The following GRB10 variants were observed in gnomAD, a reference collection of about 807,000 sequenced individuals.
GRB10 encodes the protein growth factor receptor bound protein 10.
Under a neutral mutation model 80.9 loss-of-function variants are expected in GRB10, and 20 were observed. The observed-to-expected ratio is 0.25, with a 90% CI of 0.17 to 0.36. GRB10 has a LOEUF of 0.36. GRB10 is among the 10% of genes least tolerant of loss of function. The pLI is 1.00. For missense variants in GRB10, 548 were observed against 747.7 expected (o/e 0.73, Z 3.12); for synonymous variants, 291 against 291.5 (o/e 1.00, Z 0.02).
chr7:50,624,595 C>T (rs910075304), intron 8 of GRB10, among the ~76,000 whole-genome samples: 39 of 152,142 alleles, frequency 2.6e-4, no homozygotes, highest in African/African-American at 8.4e-4. Context: ...CCTGTGTCAA[C>T]GGGAATGAGT....
At chr7:50,645,391 CA>C (rs1215460633) in intron 7 of GRB10, among the ~76,000 whole-genome samples, 3 of 152,150 alleles carry the variant, frequency 2.0e-5, no homozygotes, top group Non-Finnish European at 4.4e-5. Flanking sequence ...ACAACCCATG[CA>C]AAAATCACCA....
intron 2 of GRB10, among the ~76,000 whole-genome samples, chr7:50,772,665 T>C (rs1229766262): frequency 6.6e-6 from 1 of 152,156 alleles, no homozygotes; most frequent in Admixed American, 6.5e-5. Context: ...GAAGAAAACA[T>C]ATGCAAAAAT....
chr7:50,709,058 G>A (rs1386016707), intron 4 of GRB10, among the ~76,000 whole-genome samples: 1 of 152,144 alleles, frequency 6.6e-6, no homozygotes, highest in East Asian at 1.9e-4. Flanking sequence ...GGGCAGCCAA[G>A]CTCCTTAATT....
At chr7:50,634,428 A>G (rs998326062) in intron 7 of GRB10, among the ~76,000 whole-genome samples, 4 of 152,262 alleles carry the variant, frequency 2.6e-5, no homozygotes, top group African/African-American at 9.6e-5. Flanking sequence ...GATACTCACC[A>G]TCATAACAGC....
intron 13 of GRB10, among the ~76,000 whole-genome samples, chr7:50,610,063 C>T (rs563377606): frequency 6.6e-5 from 10 of 152,228 alleles, no homozygotes; most frequent in African/African-American, 2.4e-4. Context: ...GGTAAAAGGG[C>T]CCTGTCAACT....
At chr7:50,647,172 T>C (rs537762234) in intron 7 of GRB10, among the ~76,000 whole-genome samples, 3 of 149,714 alleles carry the variant, frequency 2.0e-5, no homozygotes, top group South Asian at 2.1e-4. Context: ...AGTGTCTAAA[T>C]AGAGACCTTG....
intron 17 of GRB10, among the ~76,000 whole-genome samples, chr7:50,597,535 G>T (rs1487011449): frequency 6.6e-6 from 1 of 152,236 alleles, no homozygotes. Context: ...AATGTGGGGC[G>T]TCCCTTTCTC....
Position 50,714,137 on chromosome 7 carries a change from T to C in GRB10, c.52-10229A>G, listed in dbSNP as rs541275780. ...CCCAACTTCAACAAAAAGGCAACTA[T>C]TCAGACACCAAAATATCCACATGTA... On this transcript the variant is annotated intron_variant, in intron 4 of 18. Transcript: ENST00000401949. 2.6e-5 allele frequency among the ~76,000 whole-genome samples: 4 copies of C among 152,208 alleles called. No individual in the cohort carries two copies. In the South Asian group the frequency reaches 8.3e-4, roughly 32 times the overall value.
intron 2 of GRB10, among the ~76,000 whole-genome samples, chr7:50,758,614 T>A (rs868512516): frequency 1.8e-4 from 27 of 152,310 alleles, no homozygotes; most frequent in African/African-American, 5.5e-4. Context: ...GACGAGGGTA[T>A]TCAGCCTGTT....
upstream of GRB10, among the ~76,000 whole-genome samples, chr7:50,786,662 G>A (rs2078706022): frequency 6.6e-6 from 1 of 152,240 alleles, no homozygotes; most frequent in Non-Finnish European, 1.5e-5. Flanking sequence ...TAAACTGTGA[G>A]AGTAGATGGA....
intron 7 of GRB10, among the ~76,000 whole-genome samples, chr7:50,666,989 G>A (rs890300296): frequency 4.9e-5 from 7 of 143,184 alleles, no homozygotes; most frequent in Non-Finnish European, 9.0e-5. Context: ...GCAGTGAGCC[G>A]AGATTGCGCC....
intron 7 of GRB10, among the ~76,000 whole-genome samples, chr7:50,642,795 T>C (rs1003036990): frequency 1.3e-5 from 2 of 152,204 alleles, no homozygotes; most frequent in African/African-American, 4.8e-5. Context: ...ACATTAGTTT[T>C]CTATTATAAA....
intron 2 of GRB10, among the ~76,000 whole-genome samples, chr7:50,776,888 C>T (rs2153711765): frequency 6.6e-6 from 1 of 152,214 alleles, no homozygotes; most frequent in East Asian, 1.9e-4. Context: ...TCCTCTTCTT[C>T]TGGGCCCTCA....
intron 5 of GRB10, among the ~76,000 whole-genome samples, chr7:50,684,899 TA>T (rs1159012109): frequency 6.6e-6 from 1 of 152,182 alleles, no homozygotes; most frequent in African/African-American, 2.4e-5. Flanking sequence ...AGAAACTATA[TA>T]AATAACTTGT....
chr7:50,735,879 AAACAG>A (rs999959654), intron 3 of GRB10, among the ~76,000 whole-genome samples: 26 of 152,214 alleles, frequency 1.7e-4, no homozygotes, highest in African/African-American at 5.3e-4. Context: ...AAAAAAAACA[AAACAG>A]AACAAAACAA....
chr7:50,785,039 A>T (rs1301310998), upstream of GRB10, among the ~76,000 whole-genome samples: 2 of 152,208 alleles, frequency 1.3e-5, no homozygotes, highest in East Asian at 3.9e-4. Context: ...CCATGCCTTT[A>T]GTCCCAGAAA....
At position 50,771,876 on chromosome 7, in the gene GRB10, C is replaced by T. The variant is rs372973447; in HGVS notation, c.-217+8751G>A. Among the ~76,000 whole-genome samples, 11 of 152,296 alleles carry T rather than the reference C, an allele frequency of 7.2e-5. No homozygotes were observed. The East Asian group carries it at 7.7e-4, about 11-fold the overall frequency. On this transcript the variant is annotated intron_variant, in intron 2 of 18. Coordinates refer to ENST00000401949, the MANE Select transcript of GRB10 (RefSeq NM_001350814.2). ...GCAACATGAGACTTACTCTTCTAAACGGGGCATGGGCCTTCATCATATCTA... is the reference window on the plus strand; with the variant it reads ...GCAACATGAGACTTACTCTTCTAAATGGGGCATGGGCCTTCATCATATCTA...
At chr7:50,740,139 CGT>C (rs1402633882) in intron 3 of GRB10, among the ~76,000 whole-genome samples, 8 of 152,208 alleles carry the variant, frequency 5.3e-5, no homozygotes, top group Admixed American at 1.3e-4. Context: ...CTACATTGAA[CGT>C]GTGTTTCAGA....
At chr7:50,788,336 T>C (rs769236812) in intron 1 of GRB10, among the ~76,000 whole-genome samples, 1 of 152,104 alleles carries the variant, frequency 6.6e-6, no homozygotes, top group Non-Finnish European at 1.5e-5. Context: ...GTGAGCAGCC[T>C]TGGAGGTTCC....
Sources: gnomAD v4.1 joint callset for allele counts (sites outside exome capture counted in the v4.1 genomes callset) on GRCh38, gnomAD v4.1.1 for gene constraint, MANE v1.5 for transcripts, NCBI Gene and HGNC (gene_info 2026-07-23, HGNC 2026-07-21) for gene names.